ENPEP: variants seen among roughly 807,000 people sequenced by gnomAD.
ENPEP encodes the protein glutamyl aminopeptidase.
A neutral mutation model predicts 114.5 loss-of-function variants in ENPEP; 103 were observed. The observed-to-expected ratio is 0.90, with a 90% CI of 0.77 to 1.06. The LOEUF is 1.06. ENPEP is among the 50% of genes least tolerant of loss of function. ENPEP has a pLI of 0.00. For missense variants in ENPEP, 1,196 were observed against 1,161.3 expected (o/e 1.03, Z -0.43); for synonymous variants, 420 against 422.0 (o/e 1.00, Z 0.06).
chr4:110,543,405 A>G (rs1281848042), intron 13 of ENPEP, among the ~76,000 whole-genome samples: 2 of 152,128 alleles, frequency 1.3e-5, no homozygotes, highest in African/African-American at 2.4e-5. Context: ...TAATATAAAG[A>G]CAAACAATGT....
chr4:110,555,041 T>G (rs1727424167), intron 18 of ENPEP, among the ~76,000 whole-genome samples: 1 of 152,010 alleles, frequency 6.6e-6, no homozygotes, highest in Non-Finnish European at 1.5e-5. Flanking sequence ...ATAAAATTCA[T>G]AAGTGTCTGG....
At chr4:110,522,656 G>A (rs549132950) in intron 10 of ENPEP, among the ~76,000 whole-genome samples, 2 of 152,092 alleles carry the variant, frequency 1.3e-5, no homozygotes, top group Non-Finnish European at 2.9e-5. Flanking sequence ...AGAAAACAGA[G>A]ACATAAGTTA....
Position 110,543,039 on chromosome 4 carries a change from A to G in ENPEP, c.1969A>G (p.Ser657Gly). Residue 657 changes from serine to glycine, a missense_variant, in exon 13 of 20, where the codon AGT (serine) becomes GGT (glycine). Transcript: ENST00000265162. ...HKTFSSADRASLIDDAFALAR... is the reference protein window; with the variant it reads ...HKTFSSADRAGLIDDAFALAR... ...GACATTTTCTTCAGCAGATCGTGCA[A>G]GTCTTATTGATGATGCTTTTGCCTT... 2 of 1,613,168 alleles carry G rather than the reference A, an allele frequency of 1.2e-6. No individual in the cohort carries two copies. The highest frequency in any genetic ancestry group is 1.7e-6 in the Non-Finnish European group (2 of 1,179,326).
At chr4:110,508,733 C>T (rs1725466409) in intron 4 of ENPEP, among the ~76,000 whole-genome samples, 1 of 152,134 alleles carries the variant, frequency 6.6e-6, no homozygotes, top group Admixed American at 6.5e-5. Flanking sequence ...ATGGCGTGAA[C>T]CCAGGAGGCA....
chr4:110,559,849 A>G, intron 19 of ENPEP, 124 bp downstream of exon 19: 2 of 723,350 alleles, frequency 2.8e-6, no homozygotes, highest in Middle Eastern at 2.6e-4. Context: ...GTAGGTATAC[A>G]CGTGCCATGG....
At chr4:110,499,757 T>TA (rs1261413053) in intron 3 of ENPEP, among the ~76,000 whole-genome samples, 2 of 152,196 alleles carry the variant, frequency 1.3e-5, no homozygotes, top group Admixed American at 1.3e-4. Flanking sequence ...CTTAAACATA[T>TA]AAAAAGTTTT....
At chr4:110,525,259 C>A (rs531965930) in intron 10 of ENPEP, among the ~76,000 whole-genome samples, 1 of 152,298 alleles carries the variant, frequency 6.6e-6, no homozygotes, top group South Asian at 2.1e-4. Flanking sequence ...AATTCAAAAT[C>A]TCAGGAACTC....
intron 1 of ENPEP, among the ~76,000 whole-genome samples, chr4:110,486,284 C>T (rs995024674): frequency 2.0e-5 from 3 of 152,162 alleles, no homozygotes; most frequent in African/African-American, 7.2e-5. Flanking sequence ...GCAGTCAAAT[C>T]CTTGGCTGTA....
At chr4:110,549,461 G>C (rs908259697) in intron 15 of ENPEP, 42 bp downstream of exon 15, 5 of 1,612,190 alleles carry the variant, frequency 3.1e-6, no homozygotes, top group Non-Finnish European at 4.2e-6. Flanking sequence ...TTTAACATTT[G>C]TTTTTTGTTT....
At chr4:110,531,542 G>C (rs948694648) in intron 11 of ENPEP, among the ~76,000 whole-genome samples, 6 of 151,990 alleles carry the variant, frequency 3.9e-5, no homozygotes, top group Non-Finnish European at 8.8e-5. Context: ...CCAACAATTG[G>C]AAGATCAATG....
intron 10 of ENPEP, among the ~76,000 whole-genome samples, chr4:110,530,226 C>A (rs1726359166): frequency 6.6e-6 from 1 of 152,096 alleles, no homozygotes; most frequent in African/African-American, 2.4e-5. Flanking sequence ...TCCAAAGGAG[C>A]TGATTTTAAA....
At chr4:110,557,115 C>G (rs1489749180) in intron 18 of ENPEP, among the ~76,000 whole-genome samples, 1 of 152,078 alleles carries the variant, frequency 6.6e-6, no homozygotes, top group Non-Finnish European at 1.5e-5. Flanking sequence ...ATAGGAAGAT[C>G]TGATGGTTTA....
chr4:110,558,653 C>CCT (rs1727575638), intron 18 of ENPEP, among the ~76,000 whole-genome samples: 1 of 152,020 alleles, frequency 6.6e-6, no homozygotes, highest in African/African-American at 2.4e-5. Context: ...TTCTTGTATC[C>CCT]CTCCTCAACA....
chr4:110,553,541 G>T, intron 18 of ENPEP, 86 bp downstream of exon 18: 1 of 1,330,832 alleles, frequency 7.5e-7, no homozygotes, highest in Non-Finnish European at 1.0e-6. Context: ...CACTGTCTCT[G>T]ACATCTATAC....
chr4:110,486,295 G>A (rs6533524), intron 1 of ENPEP, among the ~76,000 whole-genome samples: 85,872 of 151,992 alleles, frequency 0.56, 24,466 homozygotes, highest in East Asian at 0.77. Context: ...CTTGGCTGTA[G>A]TAAGTCCTTG....
chr4:110,498,353 C>A (rs201991254), intron 3 of ENPEP, among the ~76,000 whole-genome samples: 1 of 151,480 alleles, frequency 6.6e-6, no homozygotes. Context: ...TGAGACCTTG[C>A]AAAAAAAACC....
chr4:110,529,229 T>C (rs529050625), intron 10 of ENPEP, among the ~76,000 whole-genome samples: 57 of 152,180 alleles, frequency 3.7e-4, no homozygotes, highest in African/African-American at 1.3e-3. Context: ...CAGATTGGCA[T>C]TGGGGAAAGA....
rs1303088383 is a variant in ENPEP, at chr4:110,506,685, G to A, written c.967G>A (p.Ala323Thr). Residue 323 changes from alanine to threonine, a missense_variant, in exon 4 of 20, where the codon GCA (alanine) becomes ACA (threonine). Ala to Thr is a moderately conservative substitution (Grantham distance 58). Coordinates refer to ENST00000265162, the MANE Select transcript of ENPEP (RefSeq NM_001977.4). Reference sequence around the variant, plus strand: ...GCAAAAGCACACAGCCGAATATGCTGCAAACATAACTAAAAGTGTGTTTGA... The same window carrying A: ...GCAAAAGCACACAGCCGAATATGCTACAAACATAACTAAAAGTGTGTTTGA... ...PEQKHTAEYA[A>T]NITKSVFDYF... The A allele has an allele frequency of 6.2e-7, 1 of 1,612,450 alleles. No homozygotes were observed. Among genetic ancestry groups the A allele is most frequent in the African/African-American group, 1.3e-5 (1 of 74,906 alleles).
At chr4:110,540,870 C>T (rs1726821836) in intron 11 of ENPEP, among the ~76,000 whole-genome samples, 1 of 152,078 alleles carries the variant, frequency 6.6e-6, no homozygotes, top group African/African-American at 2.4e-5. Flanking sequence ...TCACAACAGC[C>T]CTGTGAGGGA....
Sources: gnomAD v4.1 joint callset for allele counts (sites outside exome capture counted in the v4.1 genomes callset) on GRCh38, gnomAD v4.1.1 for gene constraint, MANE v1.5 for transcripts, NCBI Gene and HGNC (gene_info 2026-07-23, HGNC 2026-07-21) for gene names.